The following AIG1 variants were observed in gnomAD, a reference collection of about 807,000 sequenced individuals.
The protein encoded by AIG1 is androgen-induced gene 1 protein.
In AIG1, 23 loss-of-function variants were observed where a neutral mutation model predicts 31.4. The observed-to-expected ratio is 0.73, with a 90% CI of 0.53 to 1.04. The LOEUF is 1.04. Ranked by LOEUF, AIG1 falls within the 50% of genes least tolerant of loss-of-function variation. The pLI is 0.00. For synonymous variants in AIG1, 100 were observed against 110.5 expected (o/e 0.90, Z 0.60); for missense variants, 274 against 295.0 (o/e 0.93, Z 0.52).
intron 1 of AIG1, among the ~76,000 whole-genome samples, chr6:143,064,640 A>G (rs778951416): frequency 6.6e-6 from 1 of 152,252 alleles, no homozygotes; most frequent in African/African-American, 2.4e-5. Context: ...TTTTGTACTT[A>G]TATGAAATAA....
intron 4 of AIG1, among the ~76,000 whole-genome samples, chr6:143,300,706 T>C (rs1257628302): frequency 6.6e-6 from 1 of 152,232 alleles, no homozygotes; most frequent in East Asian, 1.9e-4. Context: ...TTATAGCATA[T>C]TGAGTTAATA....
rs1241074 is a variant in AIG1, at chr6:143,331,800, G to C, written c.516-1482G>C. ...TTGATAACGCAGGTTCTCAGGTATA[G>C]ATCCCCAGGTTTCCTGCCAAAAATG... On this transcript the variant is annotated intron_variant, in intron 4 of 5. Coordinates refer to ENST00000357847, the MANE Select transcript of AIG1 (RefSeq NM_016108.4). This position sits in a 1 kb window ranked among gnomAD's most constrained non-coding sequence, Gnocchi z 4.1. 4.2e-3 allele frequency among the ~76,000 whole-genome samples: 633 copies of C among 151,254 alleles called. 3 individuals are homozygous for C. The highest frequency in any genetic ancestry group is 6.6e-3 in the Non-Finnish European group (445 of 67,836).
chr6:143,301,128 T>C (rs992959719), intron 4 of AIG1, among the ~76,000 whole-genome samples: 4 of 152,222 alleles, frequency 2.6e-5, no homozygotes, highest in Admixed American at 6.5e-5. Flanking sequence ...ATAAGTTGAC[T>C]CTTGCTTTGC....
intron 3 of AIG1, among the ~76,000 whole-genome samples, chr6:143,211,185 AGT>A (rs1266621215): frequency 3.3e-5 from 5 of 152,194 alleles, no homozygotes; most frequent in Non-Finnish European, 1.5e-5. Context: ...TGAGTGGTGA[AGT>A]ATGGATTGAA....
intron 3 of AIG1, among the ~76,000 whole-genome samples, chr6:143,262,657 G>T (rs1795872283): frequency 2.0e-5 from 3 of 151,660 alleles, no homozygotes. Flanking sequence ...GTAGAAGGAG[G>T]CAATATGCAT....
chr6:143,072,933 A>G (rs1383674680), intron 1 of AIG1, among the ~76,000 whole-genome samples: 1 of 152,188 alleles, frequency 6.6e-6, no homozygotes, highest in Non-Finnish European at 1.5e-5. Context: ...GTACAATTTT[A>G]TTACATAGAG....
chr6:143,343,785 G>A (rs748949444), downstream of AIG1, among the ~76,000 whole-genome samples: 41 of 152,218 alleles, frequency 2.7e-4, no homozygotes, highest in Admixed American at 5.2e-4. Context: ...AGGTAAACTT[G>A]TGTCATGGGG....
At chr6:143,187,678 A>C (rs1048661169) in intron 3 of AIG1, 3 of 1,535,956 alleles carry the variant, frequency 2.0e-6, no homozygotes, top group Non-Finnish European at 2.6e-6. Context: ...CGCCCATCTG[A>C]CTTTGAAGCA....
chr6:143,178,872 TG>T (rs1788449794), intron 3 of AIG1, among the ~76,000 whole-genome samples: 1 of 152,342 alleles, frequency 6.6e-6, no homozygotes, highest in South Asian at 2.1e-4. Context: ...CACTCCGTTA[TG>T]GCCCCAGAAA....
intron 3 of AIG1, chr6:143,190,534 T>C (rs2128596445): frequency 1.0e-6 from 1 of 985,166 alleles, no homozygotes; most frequent in South Asian, 4.7e-5. Flanking sequence ...CTGTTCTTTT[T>C]AAGAATCATA....
chr6:143,260,365 CT>C, intron 3 of AIG1, among the ~76,000 whole-genome samples: 1 of 152,314 alleles, frequency 6.6e-6, no homozygotes, highest in East Asian at 1.9e-4. Flanking sequence ...CATCCAACTT[CT>C]TCAGTTCAGT....
downstream of AIG1, chr6:143,342,130 G>A (rs968711735): frequency 1.0e-5 from 5 of 485,708 alleles, no homozygotes; most frequent in Non-Finnish European, 1.5e-5. Context: ...CTCCATGTTG[G>A]TCAGGCTGGT....
Position 143,112,293 on chromosome 6 carries a change from C to A in AIG1, c.142-24542C>A, listed in dbSNP as rs117870585. ...CTTCTTCTGTGGGTGGTTTCTTACT[C>A]ATTCTCCAAAACTTACCTTGGTTAT... On this transcript the variant is annotated intron_variant, in intron 1 of 5. Coordinates refer to ENST00000357847, the MANE Select transcript of AIG1 (RefSeq NM_016108.4). 1.1e-4 allele frequency among the ~76,000 whole-genome samples: 16 copies of A among 152,326 alleles called. No homozygotes were observed. In the East Asian group the frequency reaches 2.7e-3, roughly 26 times the overall value.
intron 1 of AIG1, among the ~76,000 whole-genome samples, chr6:143,085,068 A>G (rs969917222): frequency 6.6e-6 from 1 of 152,166 alleles, no homozygotes; most frequent in African/African-American, 2.4e-5. Flanking sequence ...AGATCAAAGT[A>G]TTGTCCTAAC....
At chr6:143,124,964 G>T (rs879366563) in intron 1 of AIG1, among the ~76,000 whole-genome samples, 1 of 152,108 alleles carries the variant, frequency 6.6e-6, no homozygotes, top group Non-Finnish European at 1.5e-5. Context: ...AACCATATCA[G>T]GTCTGAAGCC....
intron 3 of AIG1, among the ~76,000 whole-genome samples, chr6:143,177,803 G>T (rs1788312693): frequency 6.6e-6 from 1 of 152,202 alleles, no homozygotes; most frequent in African/African-American, 2.4e-5. Flanking sequence ...CAGCAGCCCT[G>T]GACAGCTGGT....
At chr6:143,187,726 T>A in intron 3 of AIG1, 1 of 1,535,982 alleles carries the variant, frequency 6.5e-7, no homozygotes, top group South Asian at 1.2e-5. Context: ...CAGCAATGAC[T>A]AAAGGATTGA....
chr6:143,307,581 T>G (rs908641803), intron 4 of AIG1, among the ~76,000 whole-genome samples: 1 of 152,146 alleles, frequency 6.6e-6, no homozygotes, highest in African/African-American at 2.4e-5. Context: ...GAGGAGTACC[T>G]GGCAGTGTGA....
intron 3 of AIG1, among the ~76,000 whole-genome samples, chr6:143,204,356 C>T (rs1310064556): frequency 6.6e-6 from 1 of 152,110 alleles, no homozygotes; most frequent in African/African-American, 2.4e-5. Context: ...ACCAGAGTGC[C>T]TACATGTGGC....
Sources: allele counts gnomAD v4.1 joint callset (sites outside exome capture counted in the v4.1 genomes callset), GRCh38; gene constraint gnomAD v4.1.1; non-coding constraint Gnocchi (gnomAD v3.1); transcripts MANE v1.5; gene names NCBI Gene and HGNC (gene_info 2026-07-23, HGNC 2026-07-21).